Variants in TRPM4 observed in about 807,000 individuals in gnomAD.
The protein encoded by TRPM4 is calcium-activated non-selective cation channel 1.
Under a neutral mutation model 135.6 loss-of-function variants are expected in TRPM4, and 124 were observed. The observed-to-expected ratio is 0.91, with a 90% CI of 0.79 to 1.06. The LOEUF is 1.06. TRPM4 is among the 50% of genes least tolerant of loss of function. TRPM4 has a pLI of 0.00. For missense variants in TRPM4, 1,658 were observed against 1,671.4 expected (o/e 0.99, Z 0.14); for synonymous variants, 745 against 705.6 (o/e 1.06, Z -0.88).
chr19:49,159,527 G>A (rs925561840), intron 2 of TRPM4: 1 of 152,070 alleles, frequency 6.6e-6, no homozygotes, highest in East Asian at 1.9e-4. Context: ...CTGTCGCCCA[G>A]GCTGGAGTGC....
intron 2 of TRPM4, among the ~76,000 whole-genome samples, chr19:49,165,332 G>C (rs117682338): frequency 1.2e-4 from 18 of 152,256 alleles, no homozygotes; most frequent in Non-Finnish European, 2.1e-4. Flanking sequence ...CAAAAGAGTA[G>C]CAAAGGGTTA....
At position 49,168,698 on chromosome 19, in the gene TRPM4, T is replaced by A; in HGVS notation, c.758T>A (p.Leu253Gln). 1 of 1,607,484 alleles carries A rather than the reference T, an allele frequency of 6.2e-7. No homozygotes were observed. Among genetic ancestry groups the A allele is most frequent in the South Asian group, 1.1e-5 (1 of 90,144 alleles). ...LGGENRFRLR[L>Q]ESYISQQKTG... The stretch of plus-strand genomic sequence containing the variant: ...GGCGAGAACCGCTTCCGCTTGCGCC[T>A]GGAGTCCTACATCTCACAGCAGAAG... The change falls in exon 6 of 25, where the codon CTG (leucine) becomes CAG (glutamine). Residue 253 changes from leucine (L) to glutamine (Q), a missense_variant. Coordinates refer to ENST00000252826, the MANE Select transcript of TRPM4 (RefSeq NM_017636.4).
intron 2 of TRPM4, among the ~76,000 whole-genome samples, chr19:49,164,275 T>TTCCCTCCTTCCC (rs1967078262): frequency 8.4e-6 from 1 of 118,834 alleles, no homozygotes; most frequent in Non-Finnish European, 1.8e-5. Flanking sequence ...TTCTCTCTCT[T>TTCCCTCCTTCCC]TCCCTCCCTC....
intron 9 of TRPM4, among the ~76,000 whole-genome samples, chr19:49,175,664 CTTT>C (rs545301831): frequency 2.9e-5 from 4 of 140,044 alleles, no homozygotes; most frequent in Admixed American, 1.4e-4. Flanking sequence ...CTTTCTTTTT[CTTT>C]TTTTTTTTTT....
chr19:49,174,260 C>T (rs986683262), intron 9 of TRPM4, among the ~76,000 whole-genome samples: 1 of 152,180 alleles, frequency 6.6e-6, no homozygotes, highest in African/African-American at 2.4e-5. Context: ...TCAAGCGATT[C>T]TCCTGCCTCA....
intron 16 of TRPM4, 87 bp downstream of exon 16, chr19:49,190,860 C>G (rs1182571178): frequency 7.7e-6 from 9 of 1,170,894 alleles, no homozygotes; most frequent in Non-Finnish European, 1.1e-5. Flanking sequence ...TTAGTCCCCT[C>G]TTGAGTTGCT....
chr19:49,195,388 T>C (rs972036431), intron 16 of TRPM4, among the ~76,000 whole-genome samples: 7 of 152,186 alleles, frequency 4.6e-5, no homozygotes, highest in African/African-American at 1.7e-4. Context: ...TTTTATTTTT[T>C]GAGACGGAGT....
Position 49,157,908 on chromosome 19 carries a change from G to A in TRPM4, c.24+18G>A. The A allele has an allele frequency of 6.5e-7, 1 of 1,535,368 alleles. No individual in the cohort carries two copies. The highest frequency in any genetic ancestry group is 8.7e-7 in the Non-Finnish European group (1 of 1,146,490). ...AGGAGCAGGTGAGCGCCGGACCAGGGTCTGCGGGAGCGCGGAGCTGGGGAC... is the reference window on the plus strand; with the variant it reads ...AGGAGCAGGTGAGCGCCGGACCAGGATCTGCGGGAGCGCGGAGCTGGGGAC... On this transcript the variant is annotated intron_variant, in intron 1 of 24. Transcript: ENST00000252826.
Position 49,171,460 on chromosome 19 carries a change from T to TCC in TRPM4, c.858+42_858+43insCC. The TCC allele has an allele frequency of 6.2e-7, 1 of 1,612,600 alleles. No individual in the cohort carries two copies. Reference sequence around the variant, plus strand: ...GCCCGGATCTAAGGGGGAAGGAGGGTTGGGGGCCAGGACTCCTGGGTCCTG... The same window carrying TCC: ...GCCCGGATCTAAGGGGGAAGGAGGGTCCTGGGGGCCAGGACTCCTGGGTCCTG... On this transcript the variant is annotated intron_variant, in intron 7 of 24. Coordinates refer to ENST00000252826, the MANE Select transcript of TRPM4 (RefSeq NM_017636.4). The surrounding 1 kb of genome is among the most constrained non-coding windows in gnomAD (Gnocchi z 4.7).
At position 49,168,311 on chromosome 19, in the gene TRPM4, G is replaced by A. The variant is rs772301905; in HGVS notation, c.500G>A (p.Gly167Asp). The A allele has an allele frequency of 6.2e-7, 1 of 1,614,166 alleles. No homozygotes were observed. Among genetic ancestry groups the A allele is most frequent in the South Asian group, 1.1e-5 (1 of 91,080 alleles). ...GLHTGIGRHVGVAVRDHQMAS... is the reference protein window; with the variant it reads ...GLHTGIGRHVDVAVRDHQMAS... ...CACACGGGCATCGGCCGGCATGTTG[G>A]TGTGGCTGTACGGGACCATCAGATG... Residue 167 changes from glycine to aspartate, a missense_variant, in exon 5 of 25, where the codon GGT (glycine) becomes GAT (aspartate). By Grantham distance (94) the Gly-to-Asp change is moderately conservative. Coordinates refer to ENST00000252826, the MANE Select transcript of TRPM4 (RefSeq NM_017636.4).
At chr19:49,170,853 G>T (rs2122828178) in intron 6 of TRPM4, among the ~76,000 whole-genome samples, 1 of 152,300 alleles carries the variant, frequency 6.6e-6, no homozygotes. Flanking sequence ...AGGCCAAGGT[G>T]GGAGGATCCC....
intron 10 of TRPM4, 48 bp from the exon 11 acceptor site, chr19:49,182,530 C>A: frequency 6.5e-7 from 1 of 1,534,948 alleles, no homozygotes; most frequent in South Asian, 1.1e-5. Flanking sequence ...CATCTCTTGT[C>A]CTTAACCTTT....
intron 9 of TRPM4, among the ~76,000 whole-genome samples, chr19:49,180,287 G>A (rs1967864166): frequency 6.6e-6 from 1 of 152,000 alleles, no homozygotes; most frequent in South Asian, 2.1e-4. Context: ...AGGGTTTCTG[G>A]TTCTCTCTTG....
intron 2 of TRPM4, among the ~76,000 whole-genome samples, chr19:49,160,372 C>G (rs1034230089): frequency 2.0e-5 from 3 of 151,866 alleles, no homozygotes; most frequent in Non-Finnish European, 1.5e-5. Context: ...TGCCTGTAAT[C>G]CCAGCTACTC....
intron 16 of TRPM4, among the ~76,000 whole-genome samples, chr19:49,194,643 CTCTCTCTT>C (rs1373450655): frequency 1.1e-5 from 1 of 92,800 alleles, no homozygotes; most frequent in African/African-American, 5.3e-5. Flanking sequence ...CTTTCTTTCT[CTCTCTCTT>C]TCTCTCTCTG....
intron 9 of TRPM4, among the ~76,000 whole-genome samples, chr19:49,178,951 G>A (rs1967809630): frequency 6.6e-6 from 1 of 151,316 alleles, no homozygotes; most frequent in Non-Finnish European, 1.5e-5. Context: ...GTAGAGATGG[G>A]GTTTCACTGT....
chr19:49,177,286 G>A lies in TRPM4; in HGVS notation c.1151-4063G>A, dbSNP rs1024878179. 2.2e-4 allele frequency among the ~76,000 whole-genome samples: 34 copies of A among 151,416 alleles called. 1 individual carries two copies. The highest frequency in any genetic ancestry group is 8.8e-5 in the Non-Finnish European group (6 of 67,850). On this transcript the variant is annotated intron_variant, in intron 9 of 24. Transcript: ENST00000252826. ...AGGCTTGGGGATAGCAGAGTTGAAT[G>A]GATGGAATTTCAGCAAGAAAGAAGG...
intron 16 of TRPM4, among the ~76,000 whole-genome samples, chr19:49,193,703 G>T (rs748162276): frequency 2.0e-5 from 3 of 150,920 alleles, no homozygotes; most frequent in Non-Finnish European, 4.4e-5. Context: ...CTGACCCACC[G>T]CTCTCCCTTC....
chr19:49,203,042 C>G (rs1175404132), intron 20 of TRPM4, among the ~76,000 whole-genome samples: 1 of 151,944 alleles, frequency 6.6e-6, no homozygotes, highest in Non-Finnish European at 1.5e-5. Flanking sequence ...AGGTGCCCGC[C>G]ACCACGCCCA....
Sources: gnomAD v4.1 joint callset for allele counts (sites outside exome capture counted in the v4.1 genomes callset) on GRCh38, gnomAD v4.1.1 for gene constraint, Gnocchi (gnomAD v3.1) non-coding constraint, MANE v1.5 for transcripts, NCBI Gene and HGNC (gene_info 2026-07-23, HGNC 2026-07-21) for gene names.